Variants in ANK3 observed in about 807,000 individuals in gnomAD.
ANK3 encodes ankyrin 3.
A neutral mutation model predicts 370.9 loss-of-function variants in ANK3; 57 were observed. That is an observed-to-expected ratio of 0.15 (90% CI 0.12 to 0.19). ANK3 has a LOEUF of 0.19. Among genes scored for constraint, ANK3 ranks in the 10% least tolerant of loss-of-function variants. The pLI, the probability that ANK3 is intolerant of heterozygous loss-of-function variation, is 1.00. For missense variants in ANK3, 4,439 were observed against 5,302.1 expected, an observed-to-expected ratio of 0.84 and a Z score of 5.06; for synonymous variants, 1,929 against 1,946.3, an observed-to-expected ratio of 0.99 and a Z score of 0.23.
intron 7 of ANK3, among the ~76,000 whole-genome samples, chr10:60,237,086 A>T (rs951494104): frequency 6.6e-6 from 1 of 152,368 alleles, no homozygotes; most frequent in African/African-American, 2.4e-5. Context: ...AACAGGTTAC[A>T]AAAGAGGAAG....
rs540915202 is a variant in ANK3 at position 60,679,691 on chromosome 10, C to T, written c.57+53572G>A. Among the ~76,000 whole-genome samples, 244 of 152,280 alleles carry T rather than the reference C, an allele frequency of 1.6e-3. 1 individual carries two copies. Among genetic ancestry groups the T allele is most frequent in the Non-Finnish European group, 2.8e-3 (189 of 68,024 alleles). On this transcript the variant is annotated intron_variant, in intron 1 of 43. Transcript: ENST00000373827. ...ATCAGGGGAGAAGAAATGCAAACCT[C>T]GGAACCATGCCAATGTATAAAAACT...
chr10:60,677,665 A>G (rs1431780718), intron 1 of ANK3, among the ~76,000 whole-genome samples: 1 of 152,018 alleles, frequency 6.6e-6, no homozygotes, highest in Non-Finnish European at 1.5e-5. Flanking sequence ...TGAACGATAA[A>G]AGCACTGGCT....
intron 2 of ANK3, among the ~76,000 whole-genome samples, chr10:60,403,643 A>T (rs2063395856): frequency 6.6e-6 from 1 of 152,198 alleles, no homozygotes; most frequent in South Asian, 2.1e-4. Context: ...GCCGGAGTGC[A>T]GCGGCGCGAT....
In ANK3 at chr10:60,270,241, G is replaced by GA. The variant is rs762575878; in HGVS notation, c.415-13dup. The stretch of plus-strand genomic sequence containing the variant: ...GGCGTGAAACCATTCTGCAAAATAA[G>GA]AAAAAAAATGTTTGTCTGCAGCTTT... On this transcript the variant is annotated splice_polypyrimidine_tract_variant and intron_variant, in intron 4 of 43. Coordinates refer to ENST00000280772, the MANE Select transcript of ANK3 (RefSeq NM_020987.5). 62 of 1,549,394 alleles carry GA rather than the reference G, an allele frequency of 4.0e-5. No individual in the cohort carries two copies. The highest frequency in any genetic ancestry group is 1.7e-4 in the Middle Eastern group (1 of 5,810).
intron 1 of ANK3, among the ~76,000 whole-genome samples, chr10:60,308,976 GA>G (rs2132838488): frequency 6.6e-6 from 1 of 152,260 alleles, no homozygotes; most frequent in East Asian, 1.9e-4. Context: ...TAATCCAGGA[GA>G]ATTCGAATAG....
chr10:60,396,163 AAAAATG>A (rs1397247431), intron 2 of ANK3, among the ~76,000 whole-genome samples: 1 of 152,212 alleles, frequency 6.6e-6, no homozygotes, highest in African/African-American at 2.4e-5. Flanking sequence ...AAACAAATAA[AAAAATG>A]AACAAGATAA....
intron 1 of ANK3, among the ~76,000 whole-genome samples, chr10:60,725,945 A>C (rs1489204627): frequency 6.6e-6 from 1 of 152,192 alleles, no homozygotes; most frequent in African/African-American, 2.4e-5. Flanking sequence ...ATATTTTATT[A>C]AGAACTATGT....
intron 2 of ANK3, among the ~76,000 whole-genome samples, chr10:60,396,532 T>C (rs1392883499): frequency 2.0e-5 from 3 of 152,220 alleles, no homozygotes; most frequent in African/African-American, 4.8e-5. Context: ...ATCACCTTTA[T>C]TAACTTATAG....
intron 43 of ANK3, among the ~76,000 whole-genome samples, chr10:60,031,095 C>T (rs1195094337): frequency 8.0e-5 from 3 of 37,704 alleles, no homozygotes; most frequent in African/African-American, 3.6e-4. Flanking sequence ...TTTCTGAATG[C>T]TTTGTAAGTA....
intron 2 of ANK3, among the ~76,000 whole-genome samples, chr10:60,408,062 T>G (rs1356798655): frequency 6.6e-6 from 1 of 152,240 alleles, no homozygotes; most frequent in Non-Finnish European, 1.5e-5. Flanking sequence ...TTCTATGTGA[T>G]GTTTTCTCAT....
intron 23 of ANK3, among the ~76,000 whole-genome samples, chr10:60,159,503 C>A (rs986207361): frequency 6.6e-6 from 1 of 152,090 alleles, no homozygotes; most frequent in Non-Finnish European, 1.5e-5. Context: ...CAGCATTGGA[C>A]AGATCATCTA....
chr10:60,406,440 A>C (rs567577212), intron 2 of ANK3, among the ~76,000 whole-genome samples: 1 of 152,340 alleles, frequency 6.6e-6, no homozygotes, highest in South Asian at 2.1e-4. Flanking sequence ...GTTTCACCTC[A>C]GGTCATCAGG....
chr10:60,326,828 T>C (rs913047234), intron 1 of ANK3, among the ~76,000 whole-genome samples: 2 of 152,138 alleles, frequency 1.3e-5, no homozygotes, highest in Admixed American at 6.5e-5. Flanking sequence ...GAGACCATCC[T>C]GGCTAACACA....
At chr10:60,652,693 TA>T (rs35856343) in intron 1 of ANK3, among the ~76,000 whole-genome samples, 62 of 135,616 alleles carry the variant, frequency 4.6e-4, no homozygotes, top group East Asian at 6.6e-4. Context: ...AGGCAAAATG[TA>T]AAAAAAAAAA....
chr10:60,252,038 G>T (rs2097675366), intron 7 of ANK3, among the ~76,000 whole-genome samples: 1 of 152,152 alleles, frequency 6.6e-6, no homozygotes. Context: ...TCTGGTCCAT[G>T]CTGATCTTCT....
At chr10:60,235,550 G>GTTTT (rs72388493) in intron 7 of ANK3, among the ~76,000 whole-genome samples, 1 of 115,052 alleles carries the variant, frequency 8.7e-6, no homozygotes, top group Non-Finnish European at 1.7e-5. Context: ...CTGATTTCTT[G>GTTTT]TTTTTTTTTT....
At chr10:60,057,777 A>G (rs1313818590) in intron 41 of ANK3, among the ~76,000 whole-genome samples, 1 of 152,212 alleles carries the variant, frequency 6.6e-6, no homozygotes, top group African/African-American at 2.4e-5. Flanking sequence ...CACCTTTCCT[A>G]TATCTATTCC....
chr10:60,593,340 C>T (rs1194489948), intron 2 of ANK3, among the ~76,000 whole-genome samples: 1 of 152,102 alleles, frequency 6.6e-6, no homozygotes, highest in Non-Finnish European at 1.5e-5. Flanking sequence ...TTAATCAAAA[C>T]ATACAAATTA....
intron 27 of ANK3, chr10:60,108,257 G>T: frequency 2.4e-6 from 1 of 416,106 alleles, no homozygotes; most frequent in Non-Finnish European, 4.7e-6. Flanking sequence ...CTCATTTACA[G>T]GGGGAGGATT....
Sources: gnomAD v4.1 joint callset for allele counts (sites outside exome capture counted in the v4.1 genomes callset) on GRCh38, gnomAD v4.1.1 for gene constraint, MANE v1.5 for transcripts, NCBI Gene and HGNC (gene_info 2026-07-23, HGNC 2026-07-21) for gene names.